ANKRD28: variants seen among roughly 807,000 people sequenced by gnomAD.
The protein encoded by ANKRD28 is ankyrin repeat domain 28, also known as serine/threonine-protein phosphatase 6 regulatory ankyrin repeat subunit A.
Under a neutral mutation model 126.5 loss-of-function variants are expected in ANKRD28, and 44 were observed. The observed-to-expected ratio is 0.35, with a 90% CI of 0.27 to 0.45. The LOEUF is 0.45. Among genes scored for constraint, ANKRD28 ranks in the 20% least tolerant of loss-of-function variants. The pLI, the probability that ANKRD28 is intolerant of heterozygous loss-of-function variation, is 1.00. For missense variants in ANKRD28, 1,110 were observed against 1,316.6 expected, an observed-to-expected ratio of 0.84 and a Z score of 2.43; for synonymous variants, 442 against 468.5, an observed-to-expected ratio of 0.94 and a Z score of 0.73.
At chr3:15,726,051 TG>T (rs2074138622) in intron 6 of ANKRD28, among the ~76,000 whole-genome samples, 1 of 152,000 alleles carries the variant, frequency 6.6e-6, no homozygotes. Context: ...TCCAAAAAAG[TG>T]GTTAACTTAA....
At chr3:15,685,189 C>T in intron 21 of ANKRD28, 37 bp downstream of exon 21, 1 of 1,585,580 alleles carries the variant, frequency 6.3e-7, no homozygotes, top group South Asian at 1.1e-5. Context: ...TCTCTGTTCA[C>T]TACACAATGA....
chr3:15,678,447 G>C, intron 23 of ANKRD28, 93 bp from the exon 24 acceptor site: 1 of 1,234,080 alleles, frequency 8.1e-7, no homozygotes. Flanking sequence ...TGTTTTTAAG[G>C]GTTTACATAT....
chr3:15,808,666 A>T (rs1471087742), intron 1 of ANKRD28, among the ~76,000 whole-genome samples: 1 of 152,094 alleles, frequency 6.6e-6, no homozygotes, highest in Non-Finnish European at 1.5e-5. Flanking sequence ...TTCAATTCTG[A>T]TTCCTTTCTT....
At chr3:15,725,534 T>A (rs2470522) in intron 6 of ANKRD28, among the ~76,000 whole-genome samples, 5,756 of 152,224 alleles carry the variant, frequency 0.038, 168 homozygotes, top group Non-Finnish European at 0.053. Context: ...TCTTAAAAAT[T>A]GAAAGTTTGT....
At chr3:15,746,313 T>C (rs1205750814) in intron 4 of ANKRD28, among the ~76,000 whole-genome samples, 1 of 152,190 alleles carries the variant, frequency 6.6e-6, no homozygotes, top group Admixed American at 6.5e-5. Flanking sequence ...GCTTTAAACT[T>C]TTCCCCATTC....
In ANKRD28 at chr3:15,686,202, A is replaced by G; in HGVS notation, c.2051+20T>C. 1 of 1,589,660 alleles carries G rather than the reference A, an allele frequency of 6.3e-7. No homozygotes were observed. Among genetic ancestry groups the G allele is most frequent in the Non-Finnish European group, 8.6e-7 (1 of 1,166,284 alleles). On this transcript the variant is annotated intron_variant, in intron 19 of 27. Transcript: ENST00000683139. Reference sequence around the variant, plus strand: ...GAAATACGCCCTTCTGTGATGCAACAATTATTTATCGAAACTTACTGTCCA... The same window carrying G: ...GAAATACGCCCTTCTGTGATGCAACGATTATTTATCGAAACTTACTGTCCA...
chr3:15,702,456 C>A (rs2070754588), intron 14 of ANKRD28, among the ~76,000 whole-genome samples: 1 of 152,010 alleles, frequency 6.6e-6, no homozygotes, highest in Non-Finnish European at 1.5e-5. Context: ...CATAATCTGT[C>A]CTCTGAAATA....
At chr3:15,785,766 T>C (rs1311090815) in intron 2 of ANKRD28, among the ~76,000 whole-genome samples, 1 of 152,134 alleles carries the variant, frequency 6.6e-6, no homozygotes, top group Admixed American at 6.6e-5. Context: ...AAGTTTATAG[T>C]AGCTTTATTC....
At chr3:15,832,895 A>C (rs2061236102) in intron 1 of ANKRD28, among the ~76,000 whole-genome samples, 1 of 152,224 alleles carries the variant, frequency 6.6e-6, no homozygotes, top group African/African-American at 2.4e-5. Context: ...TAAACATACC[A>C]GTGTAGATAC....
At chr3:15,800,283 G>A (rs1197619076), upstream of ANKRD28, among the ~76,000 whole-genome samples, 1 of 152,058 alleles carries the variant, frequency 6.6e-6, no homozygotes, top group Non-Finnish European at 1.5e-5. Flanking sequence ...CTATTTTGTG[G>A]TCAAATTGCC....
chr3:15,734,073 A>G (rs1164292489), intron 6 of ANKRD28, among the ~76,000 whole-genome samples: 1 of 152,186 alleles, frequency 6.6e-6, no homozygotes, highest in Non-Finnish European at 1.5e-5. Context: ...TTTCTACCAC[A>G]TGTGGTTCAA....
At chr3:15,791,966 CA>C (rs1214329467) in intron 2 of ANKRD28, among the ~76,000 whole-genome samples, 3 of 152,096 alleles carry the variant, frequency 2.0e-5, no homozygotes, top group Admixed American at 1.3e-4. Flanking sequence ...CAAAAGAAGA[CA>C]CACAAATGGT....
chr3:15,676,685 C>T (rs1475316301), intron 26 of ANKRD28: 2 of 249,008 alleles, frequency 8.0e-6, no homozygotes, highest in Non-Finnish European at 1.6e-5. Flanking sequence ...TTGATTTCCA[C>T]AGAATACACA....
chr3:15,695,255 T>G (rs2069364521), intron 15 of ANKRD28, 41 bp from the exon 16 acceptor site: 2 of 1,403,622 alleles, frequency 1.4e-6, no homozygotes, highest in African/African-American at 2.8e-5. Context: ...GCTTGGGAAG[T>G]ATTCATCTAT....
chr3:15,747,718 T>C (rs756985679), intron 4 of ANKRD28, among the ~76,000 whole-genome samples: 4 of 152,222 alleles, frequency 2.6e-5, no homozygotes, highest in Non-Finnish European at 5.9e-5. Context: ...CCATTTGTTG[T>C]AGGGCATAGT....
intron 1 of ANKRD28, among the ~76,000 whole-genome samples, chr3:15,837,575 T>A (rs966705146): frequency 1.3e-5 from 2 of 152,002 alleles, no homozygotes; most frequent in African/African-American, 4.8e-5. Context: ...CACAAAGGAA[T>A]TTAGAATACA....
At chr3:15,738,847 T>TTCGCTCC (rs2075231557) in intron 4 of ANKRD28, 1 of 152,196 alleles carries the variant, frequency 6.6e-6, no homozygotes, top group East Asian at 1.9e-4. Context: ...GACTGGGGCT[T>TTCGCTCC]ATTTCATCCC....
chr3:15,675,025 T>C (rs1352881728), intron 27 of ANKRD28, among the ~76,000 whole-genome samples: 1 of 152,004 alleles, frequency 6.6e-6, no homozygotes, highest in African/African-American at 2.4e-5. Context: ...ATCCCAGCAA[T>C]TTGGGAGGCC....
intron 18 of ANKRD28, chr3:15,689,778 A>G (rs2068577391): frequency 4.6e-6 from 2 of 433,698 alleles, no homozygotes; most frequent in African/African-American, 2.0e-5. Context: ...GGGTTGATAT[A>G]ATACACTGTA....
Sources: gnomAD v4.1 joint callset for allele counts (sites outside exome capture counted in the v4.1 genomes callset) on GRCh38, gnomAD v4.1.1 for gene constraint, MANE v1.5 for transcripts, NCBI Gene and HGNC (gene_info 2026-07-23, HGNC 2026-07-21) for gene names.